The following FARS2 variants were observed in gnomAD, a reference collection of about 807,000 sequenced individuals.
The protein encoded by FARS2 is phenylalanine--tRNA ligase, mitochondrial.
In FARS2, 40 loss-of-function variants were observed where a neutral mutation model predicts 46.4. The observed-to-expected ratio is 0.86, with a 90% CI of 0.67 to 1.12. The LOEUF is 1.12. Among genes scored for constraint, FARS2 ranks in the 50% most tolerant of loss-of-function variants. FARS2 has a pLI of 0.00. For synonymous variants in FARS2, 234 were observed against 214.9 expected, an observed-to-expected ratio of 1.09 and a Z score of -0.78; for missense variants, 513 against 567.9, an observed-to-expected ratio of 0.90 and a Z score of 0.98.
At chr6:5,457,352 A>G (rs1490899774) in intron 4 of FARS2, among the ~76,000 whole-genome samples, 1 of 152,118 alleles carries the variant, frequency 6.6e-6, no homozygotes, top group Non-Finnish European at 1.5e-5. Flanking sequence ...ATCAGAGATT[A>G]TTTCTTCCTC....
Position 5,498,663 on chromosome 6 carries a change from C to A in FARS2, c.905-46517C>A, listed in dbSNP as rs529044784. ...AAAAAGTAGAGTTGGCTTTATGTCA[C>A]CTATGACTAACTCCTCTATACCTCC... On this transcript the variant is annotated intron_variant, in intron 4 of 6. Coordinates refer to ENST00000274680, the MANE Select transcript of FARS2 (RefSeq NM_006567.5). Among the ~76,000 whole-genome samples, 14 of 152,164 alleles carry A rather than the reference C, an allele frequency of 9.2e-5. No individual in the cohort carries two copies. The South Asian group carries it at 2.9e-3, about 32-fold the overall frequency.
intron 1 of FARS2, among the ~76,000 whole-genome samples, chr6:5,348,584 A>G (rs797142): frequency 0.5 from 63,110 of 126,714 alleles, 16,464 homozygotes; most frequent in African/African-American, 0.73. Flanking sequence ...GGTTCTTGTT[A>G]TGTAGTAAGG....
chr6:5,624,820 C>G (rs1454957119), intron 6 of FARS2, among the ~76,000 whole-genome samples: 1 of 152,030 alleles, frequency 6.6e-6, no homozygotes, highest in Admixed American at 6.5e-5. Context: ...TAGGGTGGGG[C>G]GGCCCCGCCC....
intron 6 of FARS2, among the ~76,000 whole-genome samples, chr6:5,705,883 G>A (rs1426042843): frequency 1.3e-5 from 2 of 152,022 alleles, no homozygotes; most frequent in Admixed American, 6.6e-5. Flanking sequence ...GCCTGCGCTC[G>A]CTGCCTCCTC....
intron 5 of FARS2, among the ~76,000 whole-genome samples, chr6:5,548,454 A>G (rs1167860385): frequency 6.6e-6 from 1 of 152,142 alleles, no homozygotes; most frequent in Non-Finnish European, 1.5e-5. Flanking sequence ...TATCTGTTTT[A>G]TTTTAGCATC....
chr6:5,370,379 C>T (rs797148), intron 2 of FARS2, among the ~76,000 whole-genome samples: 13,120 of 151,988 alleles, frequency 0.086, 579 homozygotes, highest in Middle Eastern at 0.11. Context: ...AGCATTCTCA[C>T]TACTTGGAAT....
intron 2 of FARS2, among the ~76,000 whole-genome samples, chr6:5,378,322 G>A (rs997205310): frequency 5.9e-5 from 9 of 152,130 alleles, no homozygotes; most frequent in African/African-American, 1.9e-4. Context: ...CTGCCCTCAC[G>A]ATTCCTTCCC....
At chr6:5,637,509 T>C (rs546695611) in intron 6 of FARS2, among the ~76,000 whole-genome samples, 1 of 152,324 alleles carries the variant, frequency 6.6e-6, no homozygotes, top group South Asian at 2.1e-4. Flanking sequence ...AGCATCGCCC[T>C]CAGCAGTCAA....
chr6:5,433,434 G>A (rs1562037716), intron 4 of FARS2, among the ~76,000 whole-genome samples: 2 of 152,328 alleles, frequency 1.3e-5, no homozygotes, highest in South Asian at 2.1e-4. Flanking sequence ...AACAGAAGTT[G>A]TTCCTGCCTG....
chr6:5,625,424 C>T (rs966968072), intron 6 of FARS2, among the ~76,000 whole-genome samples: 10 of 152,130 alleles, frequency 6.6e-5, no homozygotes, highest in African/African-American at 2.2e-4. Context: ...TTAATTTGCT[C>T]ATAACTGAGG....
At chr6:5,649,192 G>A (rs980055610) in intron 6 of FARS2, among the ~76,000 whole-genome samples, 7 of 152,140 alleles carry the variant, frequency 4.6e-5, no homozygotes, top group African/African-American at 1.7e-4. Flanking sequence ...AAGGTATATA[G>A]TTAGCATCTG....
At chr6:5,486,812 C>T (rs182441202) in intron 4 of FARS2, among the ~76,000 whole-genome samples, 1 of 152,274 alleles carries the variant, frequency 6.6e-6, no homozygotes, top group East Asian at 1.9e-4. Context: ...ATCCTTCTGT[C>T]CTTCCAAGCA....
intron 5 of FARS2, among the ~76,000 whole-genome samples, chr6:5,586,974 G>A (rs555962657): frequency 6.6e-6 from 1 of 152,230 alleles, no homozygotes; most frequent in South Asian, 2.1e-4. Flanking sequence ...GTGGCTAATG[G>A]AAGCTATATG....
In FARS2 at chr6:5,771,390, G is replaced by A. The variant is rs1763042578; in HGVS notation, c.1317G>A (p.Glu439=). 2 of 1,614,240 alleles carry A rather than the reference G, an allele frequency of 1.2e-6. No individual in the cohort carries two copies. Among genetic ancestry groups the A allele is most frequent in the East Asian group, 4.5e-5 (2 of 44,890 alleles). The stretch of plus-strand genomic sequence containing the variant: ...GGCACATCCACCAGGCCTTGCAGGA[G>A]GCTGCAGTCCAGCTGTTGGGTGTGG... ...EVRHIHQALQ[E]AAVQLLGVEG... Residue 439 remains glutamate (E), a synonymous_variant, in exon 7 of 7, where the codon GAG becomes GAA. Transcript: ENST00000274680.
chr6:5,271,326 T>C (rs1765928735), intron 1 of FARS2, among the ~76,000 whole-genome samples: 1 of 152,188 alleles, frequency 6.6e-6, no homozygotes, highest in Non-Finnish European at 1.5e-5. Context: ...TCCGTTCATG[T>C]CACTGGCCCT....
intron 2 of FARS2, among the ~76,000 whole-genome samples, chr6:5,389,005 GT>G (rs1300925711): frequency 6.6e-6 from 1 of 152,070 alleles, no homozygotes; most frequent in African/African-American, 2.4e-5. Context: ...CGTCATATCT[GT>G]TTATTGTTGC....
chr6:5,489,821 A>C (rs1251184421), intron 4 of FARS2, among the ~76,000 whole-genome samples: 2 of 152,238 alleles, frequency 1.3e-5, no homozygotes, highest in Admixed American at 1.3e-4. Context: ...TAGGTTATGA[A>C]AATTTTATAA....
chr6:5,651,628 C>T (rs950814241), intron 6 of FARS2, among the ~76,000 whole-genome samples: 3 of 152,196 alleles, frequency 2.0e-5, no homozygotes, highest in Admixed American at 2.0e-4. Context: ...TTCAGGGACA[C>T]TTCAAGAGGA....
At chr6:5,587,685 T>A (rs1261847429) in intron 5 of FARS2, among the ~76,000 whole-genome samples, 1 of 152,186 alleles carries the variant, frequency 6.6e-6, no homozygotes, top group Non-Finnish European at 1.5e-5. Flanking sequence ...TTTCCCTAAC[T>A]TACTTGACAT....
Sources: allele counts gnomAD v4.1 joint callset (sites outside exome capture counted in the v4.1 genomes callset), GRCh38; gene constraint gnomAD v4.1.1; transcripts MANE v1.5; gene names NCBI Gene and HGNC (gene_info 2026-07-23, HGNC 2026-07-21).